SEMA5A: variants seen among roughly 807,000 people sequenced by gnomAD.
SEMA5A encodes the protein semaphorin 5A.
A neutral mutation model predicts 135.5 loss-of-function variants in SEMA5A; 55 were observed. That is an observed-to-expected ratio of 0.41 (90% confidence interval 0.33 to 0.51). The LOEUF (loss-of-function observed/expected upper bound fraction) is 0.51, where lower values mean the gene tolerates loss of function less well. SEMA5A is among the 20% of genes least tolerant of loss of function. The probability of loss-of-function intolerance (pLI) is 0.37; values close to 1 mark genes in which losing one functional copy is unlikely to be tolerated. For synonymous variants in SEMA5A, 580 were observed against 546.5 expected (o/e 1.06, Z -0.85); for missense variants, 1,290 against 1,419.9 (o/e 0.91, Z 1.47).
chr5:9,285,619 C>T (rs1312550862), intron 5 of SEMA5A, among the ~76,000 whole-genome samples: 1 of 152,220 alleles, frequency 6.6e-6, no homozygotes, highest in African/African-American at 2.4e-5. Flanking sequence ...CTCACAAGTT[C>T]CCACAACATC....
In SEMA5A at chr5:9,459,337, G is replaced by A. The variant is rs150188155; in HGVS notation, c.-174-21485C>T. Among the ~76,000 whole-genome samples, 328 of 152,248 alleles carry A rather than the reference G, an allele frequency of 2.2e-3. 6 individuals are homozygous for A. Among genetic ancestry groups the A allele is most frequent in the South Asian group, 6.6e-3 (32 of 4,820 alleles). On this transcript the variant is annotated intron_variant, in intron 1 of 22. Coordinates refer to ENST00000382496, the MANE Select transcript of SEMA5A (RefSeq NM_003966.3). Reference sequence around the variant, plus strand: ...GATAATATATATGCATGATTAGGTCGTTATATTATATAAAATTGCAGCACC... The same window carrying A: ...GATAATATATATGCATGATTAGGTCATTATATTATATAAAATTGCAGCACC...
rs991825908 is a variant in SEMA5A at position 9,388,807 on chromosome 5, G to A, written c.-77-8784C>T. Among the ~76,000 whole-genome samples, 23 of 151,692 alleles carry A rather than the reference G, an allele frequency of 1.5e-4. 1 individual carries two copies. The highest frequency in any genetic ancestry group is 1.1e-3 in the Admixed American group (16 of 15,236). ...CCAGCTACCCTGGAGGCTGAGGCAG[G>A]AGAATGGCATGAACCTGGGAGGCGG... On this transcript the variant is annotated intron_variant, in intron 2 of 22. Coordinates refer to ENST00000382496, the MANE Select transcript of SEMA5A (RefSeq NM_003966.3).
intron 2 of SEMA5A, among the ~76,000 whole-genome samples, chr5:9,431,870 C>T (rs767918323): frequency 9.9e-5 from 15 of 152,114 alleles, no homozygotes; most frequent in Admixed American, 2.6e-4. Context: ...CACTCAATCA[C>T]GAAACTAAGA....
At chr5:9,381,613 G>A (rs1434446000) in intron 2 of SEMA5A, among the ~76,000 whole-genome samples, 1 of 152,166 alleles carries the variant, frequency 6.6e-6, no homozygotes, top group Non-Finnish European at 1.5e-5. Flanking sequence ...CCATGCTAGA[G>A]AGAACACATT....
rs192612229 is a variant in SEMA5A, at chr5:9,252,923, G to A, written c.271-15033C>T. 9.5e-4 allele frequency among the ~76,000 whole-genome samples: 145 copies of A among 152,268 alleles called. 1 individual carries two copies. Among genetic ancestry groups the A allele is most frequent in the Non-Finnish European group, 3.4e-4 (23 of 68,008 alleles). ...ACCCTTTTGCATGGGCTAGCTCCCT[G>A]CTTTCTGACCTGCTCCCTACCAGAA... On this transcript the variant is annotated intron_variant, in intron 5 of 22. Transcript: ENST00000382496.
chr5:9,493,659 G>A (rs1234539874), intron 1 of SEMA5A, among the ~76,000 whole-genome samples: 2 of 152,278 alleles, frequency 1.3e-5, no homozygotes, highest in South Asian at 2.1e-4. Flanking sequence ...GAAGTCAATA[G>A]TGTTGTGTTT....
chr5:9,247,301 A>G (rs1748532922), intron 5 of SEMA5A, among the ~76,000 whole-genome samples: 1 of 152,126 alleles, frequency 6.6e-6, no homozygotes, highest in African/African-American at 2.4e-5. Context: ...ATTATTGTGT[A>G]TTCTGGCCAA....
intron 5 of SEMA5A, among the ~76,000 whole-genome samples, chr5:9,283,035 T>C (rs1750621578): frequency 6.6e-6 from 1 of 152,186 alleles, no homozygotes; most frequent in African/African-American, 2.4e-5. Context: ...AATTTTGAAC[T>C]TCTGGCATCC....
intron 16 of SEMA5A, among the ~76,000 whole-genome samples, chr5:9,103,825 A>AT (rs1739759438): frequency 6.6e-6 from 1 of 152,132 alleles, no homozygotes; most frequent in Non-Finnish European, 1.5e-5. Context: ...ATGTGTTGTA[A>AT]TTTTCAGCCA....
chr5:9,097,221 C>A (rs958712068), intron 16 of SEMA5A, among the ~76,000 whole-genome samples: 1 of 152,144 alleles, frequency 6.6e-6, no homozygotes, highest in Admixed American at 6.5e-5. Flanking sequence ...TAAGTAGAGA[C>A]CACACTTCCC....
intron 4 of SEMA5A, among the ~76,000 whole-genome samples, chr5:9,335,241 G>A (rs991323539): frequency 1.3e-5 from 2 of 151,850 alleles, no homozygotes; most frequent in Non-Finnish European, 2.9e-5. Context: ...GGGATACTGA[G>A]AGAGAGAGAG....
intron 5 of SEMA5A, among the ~76,000 whole-genome samples, chr5:9,267,088 G>A (rs1260894803): frequency 6.6e-6 from 1 of 152,140 alleles, no homozygotes; most frequent in Non-Finnish European, 1.5e-5. Context: ...GGATTTCTAG[G>A]TTGCTGGCTC....
intron 12 of SEMA5A, among the ~76,000 whole-genome samples, chr5:9,141,841 TTATC>T (rs1301041477): frequency 2.0e-5 from 3 of 152,248 alleles, no homozygotes; most frequent in African/African-American, 7.2e-5. Context: ...GCCTATTAGA[TTATC>T]TAAGTATCAG....
chr5:9,283,294 T>C (rs1219113980), intron 5 of SEMA5A, among the ~76,000 whole-genome samples: 6 of 152,202 alleles, frequency 3.9e-5, no homozygotes, highest in Non-Finnish European at 8.8e-5. Context: ...GATGTCTTTT[T>C]AGGCTTGTGA....
chr5:9,077,894 C>T (rs1379973310), intron 16 of SEMA5A, among the ~76,000 whole-genome samples: 3 of 152,150 alleles, frequency 2.0e-5, no homozygotes, highest in South Asian at 2.1e-4. Flanking sequence ...TATATATGTG[C>T]GTGTACGTAC....
At chr5:9,420,446 G>A (rs1396527203) in intron 2 of SEMA5A, among the ~76,000 whole-genome samples, 4 of 152,144 alleles carry the variant, frequency 2.6e-5, no homozygotes. Flanking sequence ...TGGAGAGAAG[G>A]GGAAATATTA....
At chr5:9,221,588 C>T (rs1053742330) in intron 8 of SEMA5A, among the ~76,000 whole-genome samples, 3 of 152,254 alleles carry the variant, frequency 2.0e-5, no homozygotes, top group South Asian at 2.1e-4. Flanking sequence ...AGGCGTGAGC[C>T]ACCGCGCCTG....
intron 3 of SEMA5A, among the ~76,000 whole-genome samples, chr5:9,365,033 C>A (rs1754855506): frequency 6.6e-6 from 1 of 152,156 alleles, no homozygotes; most frequent in South Asian, 2.1e-4. Flanking sequence ...GTGGAGTATA[C>A]ATTTTATTTA....
intron 3 of SEMA5A, among the ~76,000 whole-genome samples, chr5:9,361,473 A>C (rs868798041): frequency 1.7e-4 from 26 of 152,202 alleles, no homozygotes; most frequent in Non-Finnish European, 7.3e-5. Context: ...GGTAGGACTG[A>C]GTCACATATA....
Sources: allele counts gnomAD v4.1 joint callset (sites outside exome capture counted in the v4.1 genomes callset), GRCh38; gene constraint gnomAD v4.1.1; transcripts MANE v1.5; gene names NCBI Gene and HGNC (gene_info 2026-07-23, HGNC 2026-07-21).